The following OTOGL variants were observed in gnomAD, a reference collection of about 807,000 sequenced individuals.
OTOGL encodes the protein otogelin like.
OTOGL carries 285 observed loss-of-function variants against 318.5 expected under a neutral mutation model. The ratio of observed to expected loss-of-function variants is 0.89; its 90% CI spans 0.81 to 0.99. The LOEUF is 0.99. Ranked by LOEUF, OTOGL falls within the 50% of genes least tolerant of loss-of-function variation. The pLI, the probability that OTOGL is intolerant of heterozygous loss-of-function variation, is 0.00. For missense variants in OTOGL, 2,899 were observed against 2,845.6 expected (o/e 1.02, Z -0.43); for synonymous variants, 987 against 936.5 (o/e 1.05, Z -0.99).
chr12:80,371,008 C>G (rs1021091795), intron 56 of OTOGL, among the ~76,000 whole-genome samples: 5 of 151,988 alleles, frequency 3.3e-5, no homozygotes, highest in Non-Finnish European at 7.4e-5. Context: ...GGAATCAGAG[C>G]TTGGCCAATT....
intron 55 of OTOGL, among the ~76,000 whole-genome samples, chr12:80,369,544 A>G (rs10778731): frequency 0.71 from 108,354 of 151,894 alleles, 40,626 homozygotes; most frequent in Non-Finnish European, 0.84. Context: ...TGAATCATGA[A>G]TAGTAGTAAG....
chr12:80,353,615 C>A lies in OTOGL; in HGVS notation c.5593+105C>A, dbSNP rs903476648. 6 of 910,588 alleles carry A rather than the reference C, an allele frequency of 6.6e-6. No individual in the cohort carries two copies. In the African/African-American group the frequency reaches 8.6e-5, roughly 13 times the overall value. The allele number at this position is 910,588 out of a possible 1,614,324, so 56.4% of individuals were successfully genotyped here. ...CTAACAAAGGTTTATCAAAGACAGCCTCTGTTGGAAAGGAAATGAGTTTGT... is the reference window on the plus strand; with the variant it reads ...CTAACAAAGGTTTATCAAAGACAGCATCTGTTGGAAAGGAAATGAGTTTGT... On this transcript the variant is annotated intron_variant, in intron 46 of 58. Coordinates refer to ENST00000547103, the MANE Select transcript of OTOGL (RefSeq NM_001378609.3).
At chr12:80,340,628 G>T (rs186427928) in intron 43 of OTOGL, among the ~76,000 whole-genome samples, 31 of 152,202 alleles carry the variant, frequency 2.0e-4, no homozygotes, top group Non-Finnish European at 1.5e-5. Context: ...GCTAACCAGG[G>T]CTCATGCCCT....
intron 1 of OTOGL, among the ~76,000 whole-genome samples, chr12:80,142,097 G>A (rs927342347): frequency 6.6e-6 from 1 of 152,262 alleles, no homozygotes; most frequent in African/African-American, 2.4e-5. Flanking sequence ...AAGACAAAGA[G>A]AGAGGAGGAG....
In OTOGL at chr12:80,336,565, A is replaced by T. The variant is rs1376207553; in HGVS notation, c.4743+10A>T. 1.9e-6 allele frequency: 3 copies of T among 1,600,256 alleles called. No homozygotes were observed. The African/African-American group carries it at 4.0e-5, about 22-fold the overall frequency. On this transcript the variant is annotated intron_variant, in intron 40 of 58. Coordinates refer to ENST00000547103, the MANE Select transcript of OTOGL (RefSeq NM_001378609.3). ...ATGTTCCATGAATCAGGTGGGTCAT[A>T]ATTTATTTTTGCAGTCATTTCATCA...
rs1555268621 is a variant in OTOGL at position 80,108,936 on chromosome 12, G to GTGTATATATATATA, written c.-20+9332_-20+9333insGTATATATATATAT. On this transcript the variant is annotated intron_variant, in intron 1 of 58. Transcript: ENST00000547103. ...TATATGTGTATATATATATGTGTGT[G>GTGTATATATATATA]TATATATATATATATATACACACAC... 3.2e-3 allele frequency among the ~76,000 whole-genome samples: 407 copies of GTGTATATATATATA among 128,220 alleles called. 12 individuals are homozygous for GTGTATATATATATA. The highest frequency in any genetic ancestry group is 0.012 in the African/African-American group (387 of 31,262). The allele number at this position is 128,220 out of a possible 152,430, so 84.1% of individuals were successfully genotyped here.
chr12:80,159,128 T>TA (rs1873324177), intron 1 of OTOGL, among the ~76,000 whole-genome samples: 1 of 152,194 alleles, frequency 6.6e-6, no homozygotes, highest in Non-Finnish European at 1.5e-5. Context: ...ATGTGCTGTA[T>TA]CACATTTATT....
At chr12:80,359,675 G>A (rs1009626936) in intron 52 of OTOGL, among the ~76,000 whole-genome samples, 8 of 152,128 alleles carry the variant, frequency 5.3e-5, no homozygotes, top group Non-Finnish European at 8.8e-5. Flanking sequence ...TATTTAAAAA[G>A]CATTAATCCA....
At chr12:80,286,380 G>A (rs1884622325) in intron 26 of OTOGL, among the ~76,000 whole-genome samples, 1 of 152,134 alleles carries the variant, frequency 6.6e-6, no homozygotes, top group Admixed American at 6.5e-5. Flanking sequence ...GGATGATGCT[G>A]TCCACATAAA....
At chr12:80,103,082 C>G in intron 1 of OTOGL, 4 of 1,142,808 alleles carry the variant, frequency 3.5e-6, no homozygotes, top group Non-Finnish European at 4.0e-6. Flanking sequence ...CCCGCTGCAC[C>G]CATTCAATGT....
At chr12:80,352,086 G>A (rs1026907018) in intron 44 of OTOGL, among the ~76,000 whole-genome samples, 7 of 152,176 alleles carry the variant, frequency 4.6e-5, no homozygotes, top group Admixed American at 3.9e-4. Flanking sequence ...AGAAAGATTT[G>A]TGTAGATTAG....
At chr12:80,141,218 A>G (rs1344173973) in intron 1 of OTOGL, among the ~76,000 whole-genome samples, 6 of 152,080 alleles carry the variant, frequency 3.9e-5, no homozygotes, top group Non-Finnish European at 8.8e-5. Context: ...GATTTTTTTT[A>G]TTAACTCTAG....
chr12:80,264,151 A>T (rs979083287), intron 19 of OTOGL, among the ~76,000 whole-genome samples: 11 of 152,182 alleles, frequency 7.2e-5, no homozygotes, highest in African/African-American at 2.4e-4. Context: ...GATTAATTTT[A>T]TCTGTTAGGA....
Position 80,333,479 on chromosome 12 carries a change from A to G in OTOGL, c.4422+401A>G, listed in dbSNP as rs1888206893. On this transcript the variant is annotated intron_variant, in intron 38 of 58. Transcript: ENST00000547103. ...CCTAGAACTAGTAGTTTTCTCTCCT[A>G]AGAGTTGGGCAGAGATCTTCTTATA... is the stretch of plus-strand genomic sequence containing the variant. Among the ~76,000 whole-genome samples, 4 of 151,968 alleles carry G rather than the reference A, an allele frequency of 2.6e-5. No individual in the cohort carries two copies. In the South Asian group the frequency reaches 8.3e-4, roughly 32 times the overall value.
intron 1 of OTOGL, among the ~76,000 whole-genome samples, chr12:80,180,622 A>T (rs1874855849): frequency 6.6e-6 from 1 of 152,200 alleles, no homozygotes; most frequent in South Asian, 2.1e-4. Context: ...AAATGGGCTT[A>T]AATTTTAAAA....
intron 27 of OTOGL, among the ~76,000 whole-genome samples, chr12:80,301,097 A>G (rs1395825246): frequency 6.6e-6 from 1 of 152,180 alleles, no homozygotes; most frequent in Non-Finnish European, 1.5e-5. Flanking sequence ...GTAGTATAGT[A>G]TTTTCAAACT....
intron 49 of OTOGL, 142 bp downstream of exon 49, chr12:80,357,056 G>C (rs960680880): frequency 2.1e-6 from 1 of 470,276 alleles, no homozygotes; most frequent in Non-Finnish European, 3.7e-6. Context: ...CTCTTGTAAA[G>C]AAAGTATGAC....
At chr12:80,329,159 A>T (rs1291423855) in intron 37 of OTOGL, 40 bp downstream of exon 37, 3 of 1,379,744 alleles carry the variant, frequency 2.2e-6, no homozygotes, top group African/African-American at 1.5e-5. Flanking sequence ...AGCACTATGT[A>T]GTTTAAGTGT....
intron 16 of OTOGL, 70 bp downstream of exon 16, chr12:80,255,255 A>G: frequency 7.8e-7 from 1 of 1,284,906 alleles, no homozygotes; most frequent in East Asian, 2.9e-5. Flanking sequence ...ATTTCAGACT[A>G]AGAATGATAA....
Sources: allele counts gnomAD v4.1 joint callset (sites outside exome capture counted in the v4.1 genomes callset), GRCh38; gene constraint gnomAD v4.1.1; transcripts MANE v1.5; gene names NCBI Gene and HGNC (gene_info 2026-07-23, HGNC 2026-07-21).